Variants in PCM1 observed in about 807,000 individuals in gnomAD.
The protein encoded by PCM1 is pericentriolar material 1, also known as pericentriolar material 1 protein.
Under a neutral mutation model 241.9 loss-of-function variants are expected in PCM1, and 157 were observed. The ratio of observed to expected loss-of-function variants is 0.65; its 90% CI spans 0.57 to 0.74. PCM1 has a LOEUF of 0.74. Among genes scored for constraint, PCM1 ranks in the 30% least tolerant of loss-of-function variants. The probability of loss-of-function intolerance (pLI) is 0.00; values close to 1 mark genes in which losing one functional copy is unlikely to be tolerated. For synonymous variants in PCM1, 1,085 were observed against 784.9 expected, an observed-to-expected ratio of 1.38 and a Z score of -6.39; for missense variants, 3,478 against 2,360.1, an observed-to-expected ratio of 1.47 and a Z score of -9.81.
chr8:18,014,030 A>G lies in PCM1; in HGVS notation c.5578A>G (p.Ser1860Gly). 3 of 1,574,894 alleles carry G rather than the reference A, an allele frequency of 1.9e-6. No homozygotes were observed. The highest frequency in any genetic ancestry group is 8.7e-7 in the Non-Finnish European group (1 of 1,152,510). ...TGTCCCATTGGAACGAGAAGCCACT[A>G]GTAAAAGTAAGAAATCTAAATAAGT... ...KNVPLEREAT[S>G]KNDQNNCPVK... is the part of the protein sequence containing the mutation. Residue 1860 changes from serine (S) to glycine (G), a missense_variant, in exon 35 of 39, where the codon AGT becomes GGT. Transcript: ENST00000325083.
chr8:17,965,320 G>C (rs2074412995), intron 18 of PCM1, among the ~76,000 whole-genome samples: 1 of 152,210 alleles, frequency 6.6e-6, no homozygotes, highest in Non-Finnish European at 1.5e-5. Flanking sequence ...ATTGTTGACT[G>C]TTGGTGATTG....
intron 25 of PCM1, 39 bp downstream of exon 25, chr8:17,985,658 C>T: frequency 1.4e-6 from 2 of 1,441,910 alleles, no homozygotes; most frequent in Non-Finnish European, 1.9e-6. Context: ...ACCCTATTAT[C>T]ACCTTCTTCA....
Position 18,025,470 on chromosome 8 carries a change from A to G in PCM1, c.5934+17A>G. ...TATTCAGAGGTATTTAGCTGTCTTT[A>G]ATTAAACTTGTCTTTACATAACAAA... On this transcript the variant is annotated intron_variant, in intron 37 of 38. Coordinates refer to ENST00000325083, the MANE Select transcript of PCM1 (RefSeq NM_006197.4). 1 of 1,538,140 alleles carries G rather than the reference A, an allele frequency of 6.5e-7. No individual in the cohort carries two copies. Among genetic ancestry groups the G allele is most frequent in the Non-Finnish European group, 8.9e-7 (1 of 1,118,132 alleles).
At chr8:17,963,053 A>G in intron 16 of PCM1, 48 bp from the exon 17 acceptor site, 1 of 1,420,948 alleles carries the variant, frequency 7.0e-7, no homozygotes, top group Middle Eastern at 1.9e-4. Context: ...CTTTTAGGCT[A>G]CAGCAAATCC....
At chr8:17,962,582 C>G (rs1387660491) in intron 16 of PCM1, among the ~76,000 whole-genome samples, 2 of 152,002 alleles carry the variant, frequency 1.3e-5, no homozygotes, top group East Asian at 1.9e-4. Context: ...TAAATAATTT[C>G]TGAAGTATAT....
intron 30 of PCM1, among the ~76,000 whole-genome samples, chr8:18,007,884 CTGTTTGCT>C (rs1438745440): frequency 6.6e-6 from 1 of 152,012 alleles, no homozygotes; most frequent in Non-Finnish European, 1.5e-5. Context: ...AGTTGTTTGC[CTGTTTGCT>C]AAATAGGGTA....
At chr8:18,012,380 A>G (rs1244062634) in intron 34 of PCM1, among the ~76,000 whole-genome samples, 1 of 152,172 alleles carries the variant, frequency 6.6e-6, no homozygotes, top group Non-Finnish European at 1.5e-5. Flanking sequence ...AATGGCCCCA[A>G]AGCACAAGAG....
intron 29 of PCM1, among the ~76,000 whole-genome samples, chr8:17,993,925 T>C (rs1449322052): frequency 6.6e-6 from 1 of 152,140 alleles, no homozygotes; most frequent in Non-Finnish European, 1.5e-5. Flanking sequence ...GTATAGTAGG[T>C]GTGTATATTT....
In PCM1 at chr8:18,014,571, C is replaced by T; in HGVS notation, c.5585-13C>T. The T allele has an allele frequency of 1.3e-6, 2 of 1,584,520 alleles. No homozygotes were observed. The highest frequency in any genetic ancestry group is 2.2e-5 in the East Asian group (1 of 44,512). On this transcript the variant is annotated splice_polypyrimidine_tract_variant and intron_variant, in intron 35 of 38. Transcript: ENST00000325083. ...TGCATTACACTAATGTTAAGACTTT[C>T]TTTTGATGACAGATGACCAAAATAA...
intron 36 of PCM1, among the ~76,000 whole-genome samples, chr8:18,016,233 T>A (rs865928405): frequency 1.7e-4 from 26 of 152,204 alleles, no homozygotes; most frequent in African/African-American, 5.3e-4. Flanking sequence ...ACTAGATGTT[T>A]GACAGTAACT....
At chr8:17,940,022 A>T (rs753032097) in intron 6 of PCM1, 161 bp downstream of exon 6, 137 of 1,461,846 alleles carry the variant, frequency 9.4e-5, no homozygotes, top group Non-Finnish European at 1.2e-5. Context: ...TGTATGATTT[A>T]TACCGCTAAA....
rs745470409 is a variant in PCM1, at chr8:17,957,369, TAAC to T, written c.1757_1759del (p.Asn586del). 8 of 1,612,786 alleles carry T rather than the reference TAAC, an allele frequency of 5.0e-6. No individual in the cohort carries two copies. Among genetic ancestry groups the T allele is most frequent in the Admixed American group, 1.7e-5 (1 of 60,028 alleles). ...GAACAGTTAATTCTAATTGTGAAATTAACAACAGATCTGCTGCCAACATAAGGG... is the reference window on the plus strand; with the variant it reads ...GAACAGTTAATTCTAATTGTGAAATTAACAGATCTGCTGCCAACATAAGGG... On this transcript the variant is annotated inframe_deletion, in exon 12 of 39. Transcript: ENST00000325083.
intron 8 of PCM1, among the ~76,000 whole-genome samples, chr8:17,952,739 G>C (rs2066556577): frequency 6.6e-6 from 1 of 151,922 alleles, no homozygotes; most frequent in South Asian, 2.1e-4. Context: ...TGTCCCCAGG[G>C]GTCCTTGAAC....
rs767088756 is a variant in PCM1, at chr8:17,963,145, G to A, written c.2508G>A (p.Leu836=). The A allele has an allele frequency of 6.2e-7, 1 of 1,613,404 alleles. No individual in the cohort carries two copies. Among genetic ancestry groups the A allele is most frequent in the Admixed American group, 1.7e-5 (1 of 59,948 alleles). Residue 836 remains leucine, a synonymous_variant, in exon 17 of 39, where the codon CTG becomes CTA. Coordinates refer to ENST00000325083, the MANE Select transcript of PCM1 (RefSeq NM_006197.4). ...MRRHEMLREE[L]RQRRKQLEAL... is the part of the protein sequence containing the mutation. ...GACATGAAATGTTGAGGGAGGAGCTGCGACAGAGAAGAAAGCAGCTTGAAG... is the reference window on the plus strand; with the variant it reads ...GACATGAAATGTTGAGGGAGGAGCTACGACAGAGAAGAAAGCAGCTTGAAG...
At chr8:17,971,269 G>C (rs1241893514) in intron 22 of PCM1, among the ~76,000 whole-genome samples, 2 of 152,178 alleles carry the variant, frequency 1.3e-5, no homozygotes, top group African/African-American at 2.4e-5. Context: ...CCCTTGTCTT[G>C]AGTTAAATCC....
At chr8:17,929,773 G>T (rs1156832907) in intron 2 of PCM1, among the ~76,000 whole-genome samples, 2 of 152,138 alleles carry the variant, frequency 1.3e-5, no homozygotes, top group African/African-American at 4.8e-5. Flanking sequence ...AACTCTATGT[G>T]TATGTTATTT....
chr8:18,018,915 T>C (rs1256138957), intron 36 of PCM1, among the ~76,000 whole-genome samples: 1 of 124,976 alleles, frequency 8.0e-6, no homozygotes, highest in East Asian at 2.3e-4. Flanking sequence ...TATATATAAA[T>C]ATATAACATA....
chr8:17,956,374 C>G (rs925890300), intron 10 of PCM1, among the ~76,000 whole-genome samples: 7 of 152,062 alleles, frequency 4.6e-5, no homozygotes, highest in African/African-American at 1.4e-4. Context: ...AATTGGTTTT[C>G]TTACACTTTT....
At chr8:17,991,752 A>T (rs1457980570) in intron 28 of PCM1, 52 bp downstream of exon 28, 2 of 1,353,820 alleles carry the variant, frequency 1.5e-6, no homozygotes, top group African/African-American at 2.9e-5. Context: ...GTGTTTGGTT[A>T]CATGAATAAG....
Sources: gnomAD v4.1 joint callset for allele counts (sites outside exome capture counted in the v4.1 genomes callset) on GRCh38, gnomAD v4.1.1 for gene constraint, MANE v1.5 for transcripts, NCBI Gene and HGNC (gene_info 2026-07-23, HGNC 2026-07-21) for gene names.